The following PCDH15 variants were observed in gnomAD, a reference collection of about 807,000 sequenced individuals.
PCDH15 encodes the protein protocadherin related 15, also known as protocadherin-15.
In PCDH15, 129 loss-of-function variants were observed where a neutral mutation model predicts 178.5. The observed-to-expected ratio is 0.72, with a 90% CI of 0.63 to 0.84. The LOEUF (loss-of-function observed/expected upper bound fraction) is 0.84, where lower values mean the gene tolerates loss of function less well. Among genes scored for constraint, PCDH15 ranks in the 40% least tolerant of loss-of-function variants. PCDH15 has a pLI of 0.00. For missense variants in PCDH15, 2,230 were observed against 2,099.9 expected (o/e 1.06, Z -1.21); for synonymous variants, 800 against 732.0 (o/e 1.09, Z -1.50).
chr10:55,262,023 CAAAG>C (rs1842156901), intron 1 of PCDH15, among the ~76,000 whole-genome samples: 1 of 63,210 alleles, frequency 1.6e-5, no homozygotes, highest in Admixed American at 2.0e-4. Context: ...AAGAGAAAAA[CAAAG>C]AAGGGAGGGA....
intron 2 of PCDH15, among the ~76,000 whole-genome samples, chr10:55,625,301 T>A (rs1458065157): frequency 1.3e-5 from 2 of 152,104 alleles, no homozygotes; most frequent in Non-Finnish European, 1.5e-5. Flanking sequence ...ATGACAATAA[T>A]AATGGCATTG....
At chr10:54,729,221 CAT>C (rs1943002851) in intron 1 of PCDH15, among the ~76,000 whole-genome samples, 2 of 151,410 alleles carry the variant, frequency 1.3e-5, no homozygotes, top group African/African-American at 2.4e-5. Flanking sequence ...CAAAAAGAAA[CAT>C]ATAAATCAAT....
chr10:54,124,251 A>G (rs991558838), intron 15 of PCDH15, among the ~76,000 whole-genome samples: 1 of 152,202 alleles, frequency 6.6e-6, no homozygotes, highest in African/African-American at 2.4e-5. Context: ...GACACATGCT[A>G]TATGATTCCA....
chr10:55,596,851 CAGGT>C lies in PCDH15; in HGVS notation c.-156+30770_-156+30773del, dbSNP rs552417060. Among the ~76,000 whole-genome samples, 966 of 152,028 alleles carry C rather than the reference CAGGT, an allele frequency of 6.4e-3. 5 individuals are homozygous for C. Among genetic ancestry groups the C allele is most frequent in the African/African-American group, 0.021 (885 of 41,492 alleles). The stretch of plus-strand genomic sequence containing the variant: ...AATAAATCTTTTAACTATGATAATA[CAGGT>C]TTTTGAGGATTTAGTTTGTACAGCA... On this transcript the variant is annotated intron_variant, in intron 2 of 5. Coordinates refer to the PCDH15 transcript ENST00000613346.
intron 23 of PCDH15, among the ~76,000 whole-genome samples, chr10:53,947,804 C>T (rs1589568422): frequency 6.6e-6 from 1 of 152,260 alleles, no homozygotes; most frequent in East Asian, 1.9e-4. Flanking sequence ...AAGAGTTTTG[C>T]TTCTATTCAG....
intron 1 of PCDH15, among the ~76,000 whole-genome samples, chr10:54,694,565 T>G (rs76845231): frequency 6.6e-6 from 1 of 152,094 alleles, no homozygotes. Context: ...ACTTCATGTC[T>G]CTGTGTCTAT....
At chr10:54,863,735 T>C (rs964509064) in intron 3 of PCDH15, among the ~76,000 whole-genome samples, 1 of 152,190 alleles carries the variant, frequency 6.6e-6, no homozygotes, top group African/African-American at 2.4e-5. Context: ...TCAAACTTCA[T>C]TATTTTTGAT....
At chr10:53,902,252 G>A (rs1490899815) in intron 26 of PCDH15, among the ~76,000 whole-genome samples, 1 of 152,098 alleles carries the variant, frequency 6.6e-6, no homozygotes, top group African/African-American at 2.4e-5. Context: ...TAGTGGAAGA[G>A]CTATTTTGCA....
chr10:55,056,610 T>TTTATTATTATTATTA lies in PCDH15; in HGVS notation c.-80+109951_-80+109965dup, dbSNP rs60186759. Among the ~76,000 whole-genome samples the TTTATTATTATTATTA allele has an allele frequency of 9.7e-4, 139 of 142,988 alleles. 1 individual carries two copies. Among genetic ancestry groups the TTTATTATTATTATTA allele is most frequent in the African/African-American group, 2.3e-3 (90 of 39,268 alleles). 93.8% of individuals were successfully genotyped at this position (142,988 alleles called of 152,430 possible). On this transcript the variant is annotated intron_variant, in intron 2 of 5. Transcript: ENST00000458638. ...ACTATTTGATTTATTTTTATTTTGT[T>TTTATTATTATTATTA]TTATTATTATTATTATTATTATTAT...
chr10:55,474,527 A>T (rs919341841), intron 2 of PCDH15, among the ~76,000 whole-genome samples: 3 of 152,214 alleles, frequency 2.0e-5, no homozygotes, highest in African/African-American at 7.2e-5. Context: ...ATCTGTCTCC[A>T]TCTCTGACTT....
At chr10:55,118,091 C>T (rs10825467) in intron 2 of PCDH15, among the ~76,000 whole-genome samples, 36,547 of 151,934 alleles carry the variant, frequency 0.24, 5,091 homozygotes, top group African/African-American at 0.37. Context: ...TTATAACCTT[C>T]TGGAAAAGAA....
chr10:55,449,431 C>T (rs1839386107), intron 2 of PCDH15, among the ~76,000 whole-genome samples: 1 of 152,086 alleles, frequency 6.6e-6, no homozygotes, highest in African/African-American at 2.4e-5. Flanking sequence ...ACAAAGAGTA[C>T]ACCTACAATG....
chr10:54,726,416 A>G (rs920228306), intron 1 of PCDH15, among the ~76,000 whole-genome samples: 5 of 113,342 alleles, frequency 4.4e-5, no homozygotes. Context: ...TCTACCCATC[A>G]GGGGTGTGTG....
intron 2 of PCDH15, among the ~76,000 whole-genome samples, chr10:55,154,123 A>G (rs1207421125): frequency 6.6e-6 from 1 of 152,124 alleles, no homozygotes; most frequent in Non-Finnish European, 1.5e-5. Context: ...CATTATTTGT[A>G]CATATATTCA....
intron 3 of PCDH15, among the ~76,000 whole-genome samples, chr10:54,482,420 G>T (rs1440611738): frequency 6.6e-6 from 1 of 151,722 alleles, no homozygotes; most frequent in East Asian, 1.9e-4. Flanking sequence ...TAAATTAAAA[G>T]AATGCCCAGA....
At chr10:54,758,484 A>C (rs554779965) in intron 1 of PCDH15, among the ~76,000 whole-genome samples, 1 of 152,314 alleles carries the variant, frequency 6.6e-6, no homozygotes, top group Admixed American at 6.5e-5. Flanking sequence ...ACAGTGTTGT[A>C]AATGTATGAT....
chr10:55,083,338 A>C (rs1476318283), intron 2 of PCDH15, among the ~76,000 whole-genome samples: 1 of 151,892 alleles, frequency 6.6e-6, no homozygotes, highest in African/African-American at 2.4e-5. Context: ...AATACTGAAA[A>C]AATACTTGAT....
At chr10:53,888,103 T>G (rs2081230004) in intron 26 of PCDH15, among the ~76,000 whole-genome samples, 1 of 151,282 alleles carries the variant, frequency 6.6e-6, no homozygotes, top group Admixed American at 6.6e-5. Flanking sequence ...ATGCTATTAA[T>G]ACTTTTCTCC....
At chr10:54,796,268 A>ATCTATCTATCTGTCTG (rs1554796123) in intron 1 of PCDH15, among the ~76,000 whole-genome samples, 5 of 120,862 alleles carry the variant, frequency 4.1e-5, no homozygotes, top group African/African-American at 1.7e-4. Flanking sequence ...CTATCTATCT[A>ATCTATCTATCTGTCTG]TCTATGTATC....
Sources: gnomAD v4.1 joint callset for allele counts (sites outside exome capture counted in the v4.1 genomes callset) on GRCh38, gnomAD v4.1.1 for gene constraint, MANE v1.5 for transcripts, NCBI Gene and HGNC (gene_info 2026-07-23, HGNC 2026-07-21) for gene names.